The following SDK1 variants were observed in gnomAD, a reference collection of about 807,000 sequenced individuals.
The protein encoded by SDK1 is protein sidekick-1.
SDK1 carries 157 observed loss-of-function variants against 245.5 expected under a neutral mutation model. The observed-to-expected ratio is 0.64, with a 90% confidence interval of 0.56 to 0.73. SDK1 has a LOEUF of 0.73. Ranked by LOEUF, SDK1 falls within the 30% of genes least tolerant of loss-of-function variation. SDK1 has a pLI of 0.00. For synonymous variants in SDK1, 1,647 were observed against 1,278.5 expected (o/e 1.29, Z -6.15); for missense variants, 3,583 against 3,002.3 (o/e 1.19, Z -4.52).
intron 4 of SDK1, among the ~76,000 whole-genome samples, chr7:3,746,214 G>C (rs1327493442): frequency 2.0e-5 from 3 of 152,134 alleles, no homozygotes; most frequent in Middle Eastern, 3.2e-3. Context: ...GTGTGCAATA[G>C]CATTATGTCT....
chr7:3,604,841 A>G lies in SDK1; in HGVS notation c.299-14239A>G, dbSNP rs571826664. The stretch of plus-strand genomic sequence containing the variant: ...GGTCTTGAACTCCCAACTTCTGGTG[A>G]TCTGCCCACCTCGGCCTCCCAAAGT... On this transcript the variant is annotated intron_variant, in intron 1 of 44. Coordinates refer to ENST00000404826, the MANE Select transcript of SDK1 (RefSeq NM_152744.4). Among the ~76,000 whole-genome samples, 164 of 151,944 alleles carry G rather than the reference A, an allele frequency of 1.1e-3. 1 individual carries two copies. The highest frequency in any genetic ancestry group is 3.8e-3 in the African/African-American group (156 of 41,488).
intron 1 of SDK1, among the ~76,000 whole-genome samples, chr7:3,449,269 C>A (rs1780440305): frequency 6.6e-6 from 1 of 152,194 alleles, no homozygotes; most frequent in African/African-American, 2.4e-5. Flanking sequence ...ATTTTGGGCT[C>A]ATCCTTTATG....
At chr7:3,946,884 C>T (rs1449538182) in intron 5 of SDK1, among the ~76,000 whole-genome samples, 2 of 152,162 alleles carry the variant, frequency 1.3e-5, no homozygotes, top group African/African-American at 4.8e-5. Flanking sequence ...AGGCTATAAA[C>T]AGAATGCAGC....
chr7:3,886,237 A>G (rs962079635), intron 5 of SDK1, among the ~76,000 whole-genome samples: 1 of 152,178 alleles, frequency 6.6e-6, no homozygotes, highest in Non-Finnish European at 1.5e-5. Context: ...CGGGGATTCT[A>G]ATTCTCTGGA....
chr7:3,908,347 G>C (rs1483876308), intron 5 of SDK1, among the ~76,000 whole-genome samples: 1 of 152,196 alleles, frequency 6.6e-6, no homozygotes, highest in Non-Finnish European at 1.5e-5. Flanking sequence ...AATGACGCCA[G>C]ATCCAGGAGA....
At position 3,323,867 on chromosome 7, in the gene SDK1, G is replaced by T. The variant is rs79889659; in HGVS notation, c.298+21983G>T. Among the ~76,000 whole-genome samples the T allele has an allele frequency of 1.7e-3, 254 of 152,250 alleles. 2 individuals carry two copies. In the East Asian group the frequency reaches 0.046, roughly 27 times the overall value. On this transcript the variant is annotated intron_variant, in intron 1 of 44. Coordinates refer to ENST00000404826, the MANE Select transcript of SDK1 (RefSeq NM_152744.4). ...CCTAGCACAGTGTTTATAGTTTATT[G>T]ATCTGTAGATAGGTTGGGTAAAGGT...
At chr7:4,217,809 C>G (rs1784919808) in intron 38 of SDK1, among the ~76,000 whole-genome samples, 2 of 152,128 alleles carry the variant, frequency 1.3e-5, no homozygotes, top group South Asian at 4.1e-4. Flanking sequence ...AAATAAAATT[C>G]TGACACACCT....
intron 1 of SDK1, among the ~76,000 whole-genome samples, chr7:3,485,078 T>C (rs960327466): frequency 2.0e-5 from 3 of 152,204 alleles, no homozygotes; most frequent in African/African-American, 7.2e-5. Context: ...GGACCCTCCA[T>C]ACTGTTTTCC....
intron 10 of SDK1, among the ~76,000 whole-genome samples, chr7:3,969,013 G>C (rs1257420826): frequency 6.6e-6 from 1 of 152,166 alleles, no homozygotes. Flanking sequence ...GTGCCAAACA[G>C]TTTTAAACCA....
chr7:3,959,764 C>T (rs1781531776), intron 8 of SDK1, among the ~76,000 whole-genome samples: 1 of 152,072 alleles, frequency 6.6e-6, no homozygotes, highest in African/African-American at 2.4e-5. Context: ...TTTTTTGTGG[C>T]CGAATAGTAT....
intron 1 of SDK1, among the ~76,000 whole-genome samples, chr7:3,343,971 T>C (rs4521670): frequency 0.6 from 89,470 of 149,648 alleles, 27,590 homozygotes; most frequent in African/African-American, 0.77. Flanking sequence ...GAGGATAAAC[T>C]GTGAAGGTGT....
At chr7:3,761,870 T>G (rs1780115844) in intron 4 of SDK1, among the ~76,000 whole-genome samples, 1 of 152,160 alleles carries the variant, frequency 6.6e-6, no homozygotes, top group Admixed American at 6.5e-5. Context: ...GACTTGCAGT[T>G]TGAATAGCAA....
chr7:3,683,617 C>G (rs184108314), intron 4 of SDK1, among the ~76,000 whole-genome samples: 1 of 152,342 alleles, frequency 6.6e-6, no homozygotes, highest in East Asian at 1.9e-4. Context: ...TCCTCCACCT[C>G]ACAGCTAACA....
intron 1 of SDK1, among the ~76,000 whole-genome samples, chr7:3,428,920 T>C (rs1361471657): frequency 2.0e-5 from 3 of 152,184 alleles, no homozygotes. Flanking sequence ...ATACTCTGCT[T>C]AGGATGAGAG....
chr7:3,373,751 A>G (rs908742264), intron 1 of SDK1, among the ~76,000 whole-genome samples: 1 of 152,202 alleles, frequency 6.6e-6, no homozygotes. Flanking sequence ...ACAAAGGTCA[A>G]CAGACAAATG....
At chr7:3,706,022 G>A (rs1784878869) in intron 4 of SDK1, among the ~76,000 whole-genome samples, 1 of 152,128 alleles carries the variant, frequency 6.6e-6, no homozygotes, top group African/African-American at 2.4e-5. Context: ...CTATTGAAAT[G>A]ATTATATGGT....
At chr7:4,222,011 C>G (rs1427389260) in intron 40 of SDK1, among the ~76,000 whole-genome samples, 1 of 152,152 alleles carries the variant, frequency 6.6e-6, no homozygotes, top group Non-Finnish European at 1.5e-5. Flanking sequence ...CGGAACAGCT[C>G]CAATATGACC....
rs556570817 is a variant in SDK1 at position 3,538,719 on chromosome 7, T to G, written c.299-80361T>G. On this transcript the variant is annotated intron_variant, in intron 1 of 44. Coordinates refer to ENST00000404826, the MANE Select transcript of SDK1 (RefSeq NM_152744.4). ...GTGCCAGGCTTAGGGCACAGGAGTT[T>G]ATACTCTCTATGCAAACCCCAGAAC... Among the ~76,000 whole-genome samples, 252 of 152,314 alleles carry G rather than the reference T, an allele frequency of 1.7e-3. 1 individual carries two copies. Among genetic ancestry groups the G allele is most frequent in the African/African-American group, 6.0e-3 (249 of 41,580 alleles).
chr7:4,148,140 G>A (rs1341932483), intron 29 of SDK1, among the ~76,000 whole-genome samples: 1 of 152,106 alleles, frequency 6.6e-6, no homozygotes, highest in African/African-American at 2.4e-5. Context: ...GATACGCTGG[G>A]CCACCTCCCC....
Sources: gnomAD v4.1 joint callset for allele counts (sites outside exome capture counted in the v4.1 genomes callset) on GRCh38, gnomAD v4.1.1 for gene constraint, MANE v1.5 for transcripts, NCBI Gene and HGNC (gene_info 2026-07-23, HGNC 2026-07-21) for gene names.